Variants in MTUS1 observed in about 807,000 individuals in gnomAD.
The protein encoded by MTUS1 is microtubule-associated tumor suppressor 1.
MTUS1 carries 109 observed loss-of-function variants against 120.8 expected under a neutral mutation model. That is an observed-to-expected ratio of 0.90 (90% confidence interval 0.77 to 1.06). The LOEUF is 1.06. MTUS1 is among the 50% of genes least tolerant of loss of function. The probability of loss-of-function intolerance (pLI) is 0.00; values close to 1 mark genes in which losing one functional copy is unlikely to be tolerated. For synonymous variants in MTUS1, 737 were observed against 550.5 expected (o/e 1.34, Z -4.74); for missense variants, 2,210 against 1,486.3 (o/e 1.49, Z -8.01).
intron 3 of MTUS1, chr8:17,734,057 GTTC>G (rs1434731349): frequency 6.6e-6 from 1 of 152,034 alleles, no homozygotes; most frequent in African/African-American, 2.4e-5. Flanking sequence ...AAATCCTACA[GTTC>G]TTTTTATTAA....
intron 1 of MTUS1, among the ~76,000 whole-genome samples, chr8:17,799,828 T>C (rs995642572): frequency 6.6e-6 from 1 of 152,170 alleles, no homozygotes; most frequent in Non-Finnish European, 1.5e-5. Context: ...TAACTACATA[T>C]TATTTTAAAC....
chr8:17,715,111 G>T (rs1019547719), intron 5 of MTUS1, among the ~76,000 whole-genome samples: 1 of 151,034 alleles, frequency 6.6e-6, no homozygotes. Context: ...TTGCCATGTC[G>T]GCCAGGCTGG....
In MTUS1 at chr8:17,743,628, T is replaced by G. The variant is rs370790263; in HGVS notation, c.2263A>C (p.Arg755=). ...CCAGAACTGGACACACGCCTGATCCTCTGAGGAGATACGGCTCGATCAGCA... is the reference window on the plus strand; with the variant it reads ...CCAGAACTGGACACACGCCTGATCCGCTGAGGAGATACGGCTCGATCAGCA... The part of the protein sequence containing the change: ...PSADRAVSPQ[R]IRRVSSSGKP... The change falls in exon 3 of 15, where the codon AGG becomes CGG. Residue 755 remains arginine, a synonymous_variant. Transcript: ENST00000693296. The G allele has an allele frequency of 2.1e-5, 34 of 1,614,018 alleles. No homozygotes were observed. The highest frequency in any genetic ancestry group is 2.7e-5 in the African/African-American group (2 of 74,910).
At chr8:17,672,204 G>T (rs1037876016) in intron 8 of MTUS1, among the ~76,000 whole-genome samples, 3 of 152,114 alleles carry the variant, frequency 2.0e-5, no homozygotes, top group Non-Finnish European at 4.4e-5. Context: ...TCACAAAACA[G>T]CCAGTGTGGT....
At chr8:17,646,167 GATCT>G (rs747649354) in intron 14 of MTUS1, 28 bp from the exon 15 acceptor site, 4 of 1,512,364 alleles carry the variant, frequency 2.6e-6, no homozygotes, top group South Asian at 1.3e-5. Context: ...GAAACCATGA[GATCT>G]ATGTAAAAAA....
At chr8:17,656,154 A>C (rs1252182084) in intron 8 of MTUS1, 89 bp from the exon 9 acceptor site, 2 of 1,153,276 alleles carry the variant, frequency 1.7e-6, no homozygotes, top group Admixed American at 1.9e-5. Flanking sequence ...CTGTGATGAC[A>C]CCTGAAGCAT....
chr8:17,675,603 C>G (rs1186498276), intron 7 of MTUS1, among the ~76,000 whole-genome samples: 2 of 152,124 alleles, frequency 1.3e-5, no homozygotes, highest in Non-Finnish European at 2.9e-5. Flanking sequence ...CCTCCAAGGG[C>G]AATAAACATC....
At chr8:17,657,373 C>T (rs1488591993) in intron 8 of MTUS1, among the ~76,000 whole-genome samples, 2 of 151,262 alleles carry the variant, frequency 1.3e-5, no homozygotes, top group East Asian at 2.0e-4. Context: ...TCGAGACCAT[C>T]CCGGCTAAAA....
chr8:17,660,413 A>C lies in MTUS1; in HGVS notation c.2906-4348T>G, dbSNP rs1809420007. ...TAATATTCCATTGCACGTACAGATG[A>C]CATTTGTGTATCCACTTACCATCCA... On this transcript the variant is annotated intron_variant, in intron 8 of 14. Transcript: ENST00000693296. Among the ~76,000 whole-genome samples, 3 of 152,148 alleles carry C rather than the reference A, an allele frequency of 2.0e-5. No homozygotes were observed. The South Asian group carries it at 6.2e-4, about 32-fold the overall frequency.
chr8:17,686,289 T>G (rs200924877), intron 6 of MTUS1, among the ~76,000 whole-genome samples: 1 of 152,256 alleles, frequency 6.6e-6, no homozygotes, highest in Non-Finnish European at 1.5e-5. Context: ...TAGGTGGTGA[T>G]GTAATATATG....
chr8:17,704,410 A>C (rs1216245886), intron 6 of MTUS1, among the ~76,000 whole-genome samples: 10 of 152,094 alleles, frequency 6.6e-5, no homozygotes, highest in Non-Finnish European at 1.5e-4. Flanking sequence ...TTCAGATCTT[A>C]TATTTAAGTC....
intron 1 of MTUS1, among the ~76,000 whole-genome samples, chr8:17,791,051 T>C (rs1367034797): frequency 1.3e-5 from 2 of 152,140 alleles, no homozygotes; most frequent in Non-Finnish European, 2.9e-5. Context: ...CAGAAACTTA[T>C]TACTTCCACT....
intron 1 of MTUS1, among the ~76,000 whole-genome samples, chr8:17,783,300 T>C (rs2051039739): frequency 6.6e-6 from 1 of 151,964 alleles, no homozygotes; most frequent in Non-Finnish European, 1.5e-5. Flanking sequence ...CATTCTGGAG[T>C]TGGAATTTTC....
intron 12 of MTUS1, chr8:17,651,589 A>C (rs1320715652): frequency 6.6e-6 from 1 of 151,452 alleles, no homozygotes; most frequent in Non-Finnish European, 1.5e-5. Flanking sequence ...TTAGAGGGAA[A>C]TGGCATAACT....
At chr8:17,747,328 A>G (rs145571201) in intron 2 of MTUS1, among the ~76,000 whole-genome samples, 70 of 152,256 alleles carry the variant, frequency 4.6e-4, no homozygotes, top group African/African-American at 1.7e-3. Flanking sequence ...GCTAGTGACA[A>G]CATGTGATGT....
intron 8 of MTUS1, among the ~76,000 whole-genome samples, chr8:17,673,851 C>A (rs1480509658): frequency 1.3e-5 from 2 of 152,154 alleles, no homozygotes; most frequent in Non-Finnish European, 1.5e-5. Context: ...ATCAGGTTGG[C>A]AGTGTGGTCT....
chr8:17,701,445 C>T (rs944017724), intron 6 of MTUS1, among the ~76,000 whole-genome samples: 3 of 152,170 alleles, frequency 2.0e-5, no homozygotes, highest in Admixed American at 2.0e-4. Context: ...GTGACATTGC[C>T]TTTTATTTTG....
At chr8:17,695,345 G>A (rs1203670309) in intron 6 of MTUS1, among the ~76,000 whole-genome samples, 1 of 152,150 alleles carries the variant, frequency 6.6e-6, no homozygotes, top group East Asian at 1.9e-4. Flanking sequence ...AGAAGTCCCA[G>A]GTTTTAGTCC....
At chr8:17,683,741 A>G (rs914923783) in intron 7 of MTUS1, among the ~76,000 whole-genome samples, 1 of 152,214 alleles carries the variant, frequency 6.6e-6, no homozygotes, top group African/African-American at 2.4e-5. Context: ...ATGTTGATAT[A>G]AACTTGGTTT....
Sources: gnomAD v4.1 joint callset for allele counts (sites outside exome capture counted in the v4.1 genomes callset) on GRCh38, gnomAD v4.1.1 for gene constraint, MANE v1.5 for transcripts, NCBI Gene and HGNC (gene_info 2026-07-23, HGNC 2026-07-21) for gene names.